The following ZNF232 variants were observed in gnomAD, a reference collection of about 807,000 sequenced individuals.
ZNF232 encodes zinc finger protein 232, also known as zinc finger and SCAN domain-containing protein 11.
In ZNF232, 25 loss-of-function variants were observed where a neutral mutation model predicts 25.2. The ratio of observed to expected loss-of-function variants is 0.99; its 90% CI spans 0.72 to 1.39. The LOEUF (loss-of-function observed/expected upper bound fraction) is 1.39, where lower values mean the gene tolerates loss of function less well. Ranked by LOEUF, ZNF232 falls within the 40% of genes most tolerant of loss-of-function variation. The pLI, the probability that ZNF232 is intolerant of heterozygous loss-of-function variation, is 0.00. For missense variants in ZNF232, 519 were observed against 520.9 expected, an observed-to-expected ratio of 1.00 and a Z score of 0.04; for synonymous variants, 193 against 182.9, an observed-to-expected ratio of 1.06 and a Z score of -0.45.
rs1447642983 is a variant in ZNF232, at chr17:5,109,298, A to G, written c.498+96T>C. The G allele has an allele frequency of 3.4e-6, 5 of 1,453,076 alleles. No individual in the cohort carries two copies. In the South Asian group the frequency reaches 4.6e-5, roughly 13 times the overall value. 90.0% of individuals were successfully genotyped at this position (1,453,076 alleles called of 1,614,324 possible). ...CTAACTGCTCTACCTGGCCCAAGAGAGGTTTGAACTTGGCACCTCCCCCTA... is the reference window on the plus strand; with the variant it reads ...CTAACTGCTCTACCTGGCCCAAGAGGGGTTTGAACTTGGCACCTCCCCCTA... On this transcript the variant is annotated intron_variant, in intron 2 of 3. Transcript: ENST00000575898.
At chr17:5,120,930 G>C in intron 1 of ZNF232, 1 of 454,508 alleles carries the variant, frequency 2.2e-6, no homozygotes, top group South Asian at 1.6e-5. Flanking sequence ...TCATGATTTC[G>C]ATGTAAAATG....
intron 1 of ZNF232, among the ~76,000 whole-genome samples, chr17:5,119,666 TTAAC>T (rs1297088089): frequency 2.0e-5 from 3 of 152,162 alleles, no homozygotes; most frequent in African/African-American, 7.2e-5. Context: ...CTCACTGCAG[TTAAC>T]TAACTAATGA....
At chr17:5,111,537 T>G in intron 1 of ZNF232, 1 of 546,542 alleles carries the variant, frequency 1.8e-6, no homozygotes, top group Non-Finnish European at 3.2e-6. Flanking sequence ...CCAGGCCAGG[T>G]ACAACTCCCC....
At chr17:5,109,529 G>C in exon 2 of ZNF232, 1 of 1,614,176 alleles carries the variant, frequency 6.2e-7, no homozygotes, top group Non-Finnish European at 8.5e-7. Flanking sequence ...CCAGCACCAG[G>C]AACTCCAGGA....
rs369959834 is a variant in ZNF232 at position 5,109,731 on chromosome 17, G to A, written c.161C>T (p.Pro54Leu). The stretch of plus-strand genomic sequence containing the variant: ...CTCACAAGACTGTTCCTCTTCCTTT[G>A]GTCCCATCATCATCATCTTCTCTTG... The change falls in exon 2 of 4, where the codon CCA becomes CTA. Residue 54 changes from proline (P) to leucine (L), a missense_variant. Pro to Leu is a moderately conservative substitution (Grantham distance 98, BLOSUM62 -3). Coordinates refer to ENST00000575898, the Ensembl canonical transcript of ZNF232. The A allele has an allele frequency of 9.9e-5, 159 of 1,613,946 alleles. No individual in the cohort carries two copies. Among genetic ancestry groups the A allele is most frequent in the Admixed American group, 4.3e-4 (26 of 59,972 alleles).
chr17:5,112,272 G>T (rs371579747), upstream of ZNF232: 9 of 183,460 alleles, frequency 4.9e-5, no homozygotes, highest in South Asian at 7.9e-4. Context: ...CCTCTTCCCA[G>T]ACCTGATGAG....
intron 3 of ZNF232, among the ~76,000 whole-genome samples, chr17:5,106,998 C>T (rs2072275298): frequency 6.6e-6 from 1 of 152,014 alleles, no homozygotes; most frequent in Non-Finnish European, 1.5e-5. Flanking sequence ...CTTTAGAGGA[C>T]TCTCAACTAA....
At chr17:5,111,767 G>T (rs780026748) in intron 1 of ZNF232, 33 bp downstream of exon 1, 1 of 1,613,496 alleles carries the variant, frequency 6.2e-7, no homozygotes, top group African/African-American at 1.3e-5. Flanking sequence ...AAGCCGCCAG[G>T]TGGACCTCGG....
rs62074222 is a variant in ZNF232, at chr17:5,109,910, G to C, written c.24-42C>G. The C allele has an allele frequency of 2.0e-6, 3 of 1,500,762 alleles. No individual in the cohort carries two copies. In the Admixed American group the frequency reaches 6.3e-5, roughly 31 times the overall value. 93.0% of individuals were successfully genotyped at this position (1,500,762 alleles called of 1,614,324 possible). On this transcript the variant is annotated intron_variant, in intron 1 of 3. Coordinates refer to ENST00000575898, the Ensembl canonical transcript of ZNF232. ...AATCATTCCTCTTTTTTTTTTTTAA[G>C]ACAGAGTCTTTCTCTGTTACCCAGG...
intron 3 of ZNF232, 32 bp downstream of exon 3, chr17:5,108,893 TC>T (rs1466293321): frequency 1.9e-6 from 3 of 1,613,374 alleles, no homozygotes; most frequent in African/African-American, 1.3e-5. Flanking sequence ...TCCCTCTTTC[TC>T]CTCTCCCTCC....
chr17:5,114,373 C>A (rs1365963742), upstream of ZNF232: 1 of 152,334 alleles, frequency 6.6e-6, no homozygotes, highest in African/African-American at 2.4e-5. Context: ...AGTGTGAGCT[C>A]TGATTACAAG....
chr17:5,108,399 A>T (rs7207082), intron 3 of ZNF232, among the ~76,000 whole-genome samples: 34,403 of 151,388 alleles, frequency 0.23, 4,956 homozygotes, highest in East Asian at 0.66. Context: ...GAGGGCACAC[A>T]TAAGAGAGTT....
At chr17:5,109,493 C>G (rs1319735791) in exon 2 of ZNF232, 1 of 1,614,204 alleles carries the variant, frequency 6.2e-7, no homozygotes, top group Non-Finnish European at 8.5e-7. Context: ...ATTGGAGCTC[C>G]TCAGGCAGGA....
chr17:5,110,309 C>T (rs548073512), intron 1 of ZNF232, among the ~76,000 whole-genome samples: 13 of 152,278 alleles, frequency 8.5e-5, no homozygotes, highest in African/African-American at 3.1e-4. Context: ...AATTCTGCTG[C>T]ACTAAGTCAA....
chr17:5,115,872 C>T (rs372016944), upstream of ZNF232, among the ~76,000 whole-genome samples: 508 of 152,312 alleles, frequency 3.3e-3, 3 homozygotes, highest in African/African-American at 0.012. Context: ...CCTTTGGCCA[C>T]TGAGGCGGTC....
At chr17:5,106,145 T>G in exon 4 of ZNF232, 1 of 1,614,182 alleles carries the variant, frequency 6.2e-7, no homozygotes, top group East Asian at 2.2e-5. Context: ...GTTTGAAAGT[T>G]TTCCCACAGT....
chr17:5,110,471 T>G (rs533731024), intron 1 of ZNF232, among the ~76,000 whole-genome samples: 1 of 152,214 alleles, frequency 6.6e-6, no homozygotes, highest in East Asian at 1.9e-4. Flanking sequence ...AAGAAATAAG[T>G]TTGAAGCAAA....
chr17:5,122,353 A>T (rs1447919461), intron 1 of ZNF232, among the ~76,000 whole-genome samples: 1 of 151,986 alleles, frequency 6.6e-6, no homozygotes, highest in African/African-American at 2.4e-5. Context: ...CCACAGGGTG[A>T]AGAGCAAGGT....
At chr17:5,109,895 CTT>C (rs113119643) in intron 1 of ZNF232, 27 bp from the exon 2 acceptor site, 115 of 1,232,950 alleles carry the variant, frequency 9.3e-5, no homozygotes, top group Admixed American at 1.9e-4. Flanking sequence ...AATCATTCCT[CTT>C]TTTTTTTTTT....
Sources: gnomAD v4.1 joint callset for allele counts (sites outside exome capture counted in the v4.1 genomes callset) on GRCh38, gnomAD v4.1.1 for gene constraint, MANE v1.5 for transcripts, NCBI Gene and HGNC (gene_info 2026-07-23, HGNC 2026-07-21) for gene names.